MVB12B: variants seen among roughly 807,000 people sequenced by gnomAD.
MVB12B encodes the protein ESCRT-I complex subunit MVB12B.
A neutral mutation model predicts 41.6 loss-of-function variants in MVB12B; 16 were observed. The observed-to-expected ratio is 0.38, with a 90% CI of 0.26 to 0.58. The LOEUF is 0.58. Among genes scored for constraint, MVB12B ranks in the 20% least tolerant of loss-of-function variants. The pLI, the probability that MVB12B is intolerant of heterozygous loss-of-function variation, is 0.62. For missense variants in MVB12B, 274 were observed against 380.2 expected, an observed-to-expected ratio of 0.72 and a Z score of 2.32; for synonymous variants, 133 against 139.7, an observed-to-expected ratio of 0.95 and a Z score of 0.34.
intron 7 of MVB12B, among the ~76,000 whole-genome samples, chr9:126,426,223 G>A (rs1462839195): frequency 1.3e-5 from 2 of 152,150 alleles, no homozygotes; most frequent in Non-Finnish European, 2.9e-5. Flanking sequence ...CCCTGGTTAG[G>A]GTCATCACTC....
At position 126,340,359 on chromosome 9, in the gene MVB12B, G is replaced by A; in HGVS notation, c.82-149G>A. The A allele has an allele frequency of 1.4e-6, 1 of 739,026 alleles. No individual in the cohort carries two copies. Among genetic ancestry groups the A allele is most frequent in the Non-Finnish European group, 2.2e-6 (1 of 464,596 alleles). 45.8% of individuals were successfully genotyped at this position (739,026 alleles called of 1,614,324 possible). A position where few individuals can be genotyped will look rare whatever the true frequency, so the allele number is the denominator to read the frequency against. On this transcript the variant is annotated intron_variant, in intron 1 of 9. Coordinates refer to ENST00000361171, the MANE Select transcript of MVB12B (RefSeq NM_033446.3). This position sits in a 1 kb window ranked among gnomAD's most constrained non-coding sequence, Gnocchi z 4.0. ...TTTGAATTCTTGACCTGGGGAAAGG[G>A]TCACATAGGGTCAGGACTCATTCAA...
intron 3 of MVB12B, among the ~76,000 whole-genome samples, chr9:126,382,101 T>TAAA (rs10658875): frequency 7.5e-5 from 11 of 146,112 alleles, no homozygotes; most frequent in South Asian, 2.1e-4. Context: ...TATTTGCAGT[T>TAAA]AAAAAAAAAA....
intron 7 of MVB12B, among the ~76,000 whole-genome samples, chr9:126,430,398 T>C (rs12351417): frequency 0.45 from 68,737 of 151,826 alleles, 15,750 homozygotes; most frequent in South Asian, 0.54. Flanking sequence ...TCTCTGTCCC[T>C]GGCTGTGGCT....
At chr9:126,498,999 C>T (rs1434812484) in intron 9 of MVB12B, among the ~76,000 whole-genome samples, 1 of 152,226 alleles carries the variant, frequency 6.6e-6, no homozygotes, top group African/African-American at 2.4e-5. Flanking sequence ...GGTTCTGATG[C>T]ATAACCAGGG....
chr9:126,482,968 G>A (rs1270357393), intron 8 of MVB12B, among the ~76,000 whole-genome samples: 2 of 152,248 alleles, frequency 1.3e-5, no homozygotes, highest in Non-Finnish European at 2.9e-5. Context: ...GCCAGGAGGC[G>A]CTGAGACTGG....
rs1300261045 is a variant in MVB12B, at chr9:126,459,525, G to A, written c.758-21844G>A. On this transcript the variant is annotated intron_variant, in intron 7 of 9. Transcript: ENST00000361171. This position sits in a 1 kb window ranked among gnomAD's most constrained non-coding sequence, Gnocchi z 4.3. ...CACGAGACCCTCACCCCAGCAGCAC[G>A]CGGGCACGCAGCCCACAGCAGCATT... Among the ~76,000 whole-genome samples, 4 of 152,178 alleles carry A rather than the reference G, an allele frequency of 2.6e-5. No homozygotes were observed. Among genetic ancestry groups the A allele is most frequent in the Admixed American group, 1.3e-4 (2 of 15,278 alleles).
At chr9:126,341,879 G>A (rs1588087020) in intron 2 of MVB12B, among the ~76,000 whole-genome samples, 1 of 152,186 alleles carries the variant, frequency 6.6e-6, no homozygotes, top group East Asian at 1.9e-4. Context: ...TCTGTACTGA[G>A]TCAGCCAGTG....
chr9:126,412,439 C>A (rs572774831), intron 6 of MVB12B, among the ~76,000 whole-genome samples: 1 of 152,116 alleles, frequency 6.6e-6, no homozygotes, highest in Non-Finnish European at 1.5e-5. Context: ...TTGTACATGA[C>A]CTCTGGTCTT....
At chr9:126,366,699 C>G (rs74854174) in intron 2 of MVB12B, among the ~76,000 whole-genome samples, 52 of 152,264 alleles carry the variant, frequency 3.4e-4, no homozygotes, top group African/African-American at 1.2e-3. Flanking sequence ...CTCTGACCCC[C>G]CTTCTTGTAG....
At chr9:126,466,590 G>T (rs561338486) in intron 7 of MVB12B, among the ~76,000 whole-genome samples, 1 of 152,136 alleles carries the variant, frequency 6.6e-6, no homozygotes, top group Non-Finnish European at 1.5e-5. Flanking sequence ...ACTGCAGACC[G>T]CACCAAAGAA....
At chr9:126,355,062 T>A (rs1325348163) in intron 2 of MVB12B, among the ~76,000 whole-genome samples, 1 of 152,240 alleles carries the variant, frequency 6.6e-6, no homozygotes, top group Non-Finnish European at 1.5e-5. Context: ...TGAGCTGCAT[T>A]TGTCATATGC....
At position 126,439,146 on chromosome 9, in the gene MVB12B, C is replaced by T. The variant is rs1369432795; in HGVS notation, c.757+17198C>T. Among the ~76,000 whole-genome samples, 5 of 152,148 alleles carry T rather than the reference C, an allele frequency of 3.3e-5. No homozygotes were observed. In the East Asian group the frequency reaches 9.7e-4, roughly 29 times the overall value. ...CTGATTGCTCTTCATACAGGGGGCC[C>T]TGGAGTGGAAGCAGGCCTGCGTTGA... On this transcript the variant is annotated intron_variant, in intron 7 of 9. Transcript: ENST00000361171.
In MVB12B at chr9:126,486,518, G is replaced by A. The variant is rs964892841; in HGVS notation, c.873+2486G>A. ...GTCACGGCAGAACCTGTCTCACGGG[G>A]TGCTTTGTGATGCCAAATGGATATA... On this transcript the variant is annotated intron_variant, in intron 9 of 9. Coordinates refer to ENST00000361171, the MANE Select transcript of MVB12B (RefSeq NM_033446.3). This position sits in a 1 kb window ranked among gnomAD's most constrained non-coding sequence, Gnocchi z 4.7. Among the ~76,000 whole-genome samples the A allele has an allele frequency of 6.6e-6, 1 of 152,224 alleles. No homozygotes were observed. The highest frequency in any genetic ancestry group is 1.5e-5 in the Non-Finnish European group (1 of 68,048).
intron 6 of MVB12B, chr9:126,396,996 C>G (rs1831135255): frequency 2.0e-6 from 2 of 985,460 alleles, no homozygotes; most frequent in South Asian, 9.4e-5. Flanking sequence ...CTCCTGTGCT[C>G]AAGGCTATAT....
intron 8 of MVB12B, among the ~76,000 whole-genome samples, chr9:126,482,102 G>A (rs1170796055): frequency 6.6e-6 from 1 of 152,226 alleles, no homozygotes; most frequent in Non-Finnish European, 1.5e-5. Context: ...CAGACTGTGA[G>A]GGGCGGCCAC....
intron 7 of MVB12B, among the ~76,000 whole-genome samples, chr9:126,453,173 T>G (rs1832915147): frequency 6.6e-6 from 1 of 152,192 alleles, no homozygotes. Flanking sequence ...AAATCCCTAT[T>G]TCTTCAAGTT....
intron 6 of MVB12B, among the ~76,000 whole-genome samples, chr9:126,412,704 T>C (rs1476208774): frequency 6.6e-6 from 1 of 152,236 alleles, no homozygotes; most frequent in Non-Finnish European, 1.5e-5. Context: ...GTCAATACCG[T>C]GAGCCTCTCC....
chr9:126,479,442 C>T (rs923543785), intron 7 of MVB12B, among the ~76,000 whole-genome samples: 3 of 152,126 alleles, frequency 2.0e-5, no homozygotes, highest in Admixed American at 6.5e-5. Flanking sequence ...TGAACTTTTT[C>T]ATCTGTGAAG....
chr9:126,383,200 C>G (rs931242162), intron 3 of MVB12B, among the ~76,000 whole-genome samples: 1 of 152,304 alleles, frequency 6.6e-6, no homozygotes, highest in African/African-American at 2.4e-5. Context: ...TGCAGACCAT[C>G]ATTTTTTACA....
Sources: allele counts gnomAD v4.1 joint callset (sites outside exome capture counted in the v4.1 genomes callset), GRCh38; gene constraint gnomAD v4.1.1; non-coding constraint Gnocchi (gnomAD v3.1); transcripts MANE v1.5; gene names NCBI Gene and HGNC (gene_info 2026-07-23, HGNC 2026-07-21).